IFTAP: variants seen among roughly 807,000 people sequenced by gnomAD.
The protein encoded by IFTAP is intraflagellar transport-associated protein.
A neutral mutation model predicts 19.4 loss-of-function variants in IFTAP; 19 were observed. That is an observed-to-expected ratio of 0.98 (90% confidence interval 0.68 to 1.44). The LOEUF (loss-of-function observed/expected upper bound fraction) is 1.44. Ranked by LOEUF, IFTAP falls within the 40% of genes most tolerant of loss-of-function variation. The pLI is 0.00. For synonymous variants in IFTAP, 85 were observed against 83.5 expected (o/e 1.02, Z -0.10); for missense variants, 240 against 253.6 (o/e 0.95, Z 0.36).
At position 36,610,161 on chromosome 11, in the gene IFTAP, G is replaced by C. The variant is rs61745970; in HGVS notation, c.58G>C (p.Val20Leu). 6.2e-7 allele frequency: 1 copy of C among 1,611,418 alleles called. No individual in the cohort carries two copies. Among genetic ancestry groups the C allele is most frequent in the African/African-American group, 1.3e-5 (1 of 74,820 alleles). Residue 20 changes from valine (V) to leucine (L), a missense_variant, in exon 2 of 6, where the codon GTC (valine) becomes CTC (leucine). Coordinates refer to ENST00000334307, the MANE Select transcript of IFTAP (RefSeq NM_138787.4). ...GGATGAAGATCAATTAATCAAAGAC[G>C]TCTTGGATAAATTCCTTAATTGTCA... ...IMDEDQLIKD[V>L]LDKFLNCHEQ...
At chr11:36,657,112 A>T (rs372520298) in intron 5 of IFTAP, among the ~76,000 whole-genome samples, 167 of 152,270 alleles carry the variant, frequency 1.1e-3, no homozygotes, top group African/African-American at 3.8e-3. Flanking sequence ...GGGCAGCAAA[A>T]TTCCCATCAG....
chr11:36,638,145 G>A (rs994476663), intron 4 of IFTAP, among the ~76,000 whole-genome samples: 1 of 150,830 alleles, frequency 6.6e-6, no homozygotes, highest in Admixed American at 6.6e-5. Context: ...GCCACACCCC[G>A]CCCCACCGCC....
At chr11:36,645,553 A>C (rs1853446650) in intron 4 of IFTAP, among the ~76,000 whole-genome samples, 1 of 152,110 alleles carries the variant, frequency 6.6e-6, no homozygotes, top group Non-Finnish European at 1.5e-5. Flanking sequence ...ATTTCCTACC[A>C]TGAGTGAATA....
intron 4 of IFTAP, 69 bp downstream of exon 4, chr11:36,636,186 G>A: frequency 8.0e-7 from 1 of 1,246,276 alleles, no homozygotes; most frequent in Non-Finnish European, 1.2e-6. Flanking sequence ...GCTTTAGACA[G>A]CTTTCCTGTT....
intron 2 of IFTAP, among the ~76,000 whole-genome samples, chr11:36,624,917 G>A (rs1852452063): frequency 6.6e-6 from 1 of 152,134 alleles, no homozygotes; most frequent in African/African-American, 2.4e-5. Flanking sequence ...TGTTTAAGCT[G>A]TTGTTACTTT....
chr11:36,626,319 C>A lies in IFTAP; in HGVS notation c.137-6965C>A, dbSNP rs560709446. 6.3e-4 allele frequency among the ~76,000 whole-genome samples: 96 copies of A among 151,394 alleles called. 6 individuals carry two copies. The highest frequency in any genetic ancestry group is 2.3e-3 in the African/African-American group (93 of 40,700). ...ACATTCTTAAACATGGAAATGTGAG[C>A]TGAAAGATATGTAAAGTGTTATGTC... On this transcript the variant is annotated intron_variant, in intron 2 of 5. Transcript: ENST00000334307.
intron 2 of IFTAP, among the ~76,000 whole-genome samples, chr11:36,618,329 C>G (rs1400606498): frequency 6.6e-6 from 1 of 151,972 alleles, no homozygotes; most frequent in Admixed American, 6.6e-5. Context: ...ACACCCTGAA[C>G]CACTTTGTTC....
rs374646919 is a variant in IFTAP at position 36,658,185 on chromosome 11, T to G, written c.499-834T>G. Among the ~76,000 whole-genome samples, 189 of 152,312 alleles carry G rather than the reference T, an allele frequency of 1.2e-3. 1 individual carries two copies. In the South Asian group the frequency reaches 0.026, roughly 21 times the overall value. ...TCTTGCATAAACCATAGTTTTCAAT[T>G]ATTTCAGCATCACTATGCATATTGT... On this transcript the variant is annotated intron_variant, in intron 5 of 5. Coordinates refer to ENST00000334307, the MANE Select transcript of IFTAP (RefSeq NM_138787.4).
intron 2 of IFTAP, among the ~76,000 whole-genome samples, chr11:36,626,413 T>C (rs1852513881): frequency 6.6e-6 from 1 of 151,388 alleles, no homozygotes; most frequent in African/African-American, 2.5e-5. Flanking sequence ...TGTCATATAA[T>C]TTTCTTAACT....
chr11:36,617,245 A>T (rs958263147), intron 2 of IFTAP, among the ~76,000 whole-genome samples: 2 of 149,030 alleles, frequency 1.3e-5, no homozygotes, highest in African/African-American at 2.5e-5. Context: ...ATATTTATTT[A>T]TTTGTATATT....
chr11:36,631,084 T>C (rs1852707726), intron 2 of IFTAP, among the ~76,000 whole-genome samples: 1 of 151,506 alleles, frequency 6.6e-6, no homozygotes, highest in Non-Finnish European at 1.5e-5. Flanking sequence ...TATCTCATCT[T>C]GTATAGGGCT....
At chr11:36,603,335 A>G (rs1851575609) in intron 1 of IFTAP, among the ~76,000 whole-genome samples, 2 of 152,200 alleles carry the variant, frequency 1.3e-5, no homozygotes, top group Non-Finnish European at 2.9e-5. Context: ...CTGTTGGGGG[A>G]AAACAACACA....
At chr11:36,606,324 A>T (rs1488332446) in intron 1 of IFTAP, among the ~76,000 whole-genome samples, 1 of 152,130 alleles carries the variant, frequency 6.6e-6, no homozygotes, top group Admixed American at 6.5e-5. Flanking sequence ...TTAGCCAGCC[A>T]TAGTGGCAGG....
At chr11:36,615,016 A>T (rs1329467758) in intron 2 of IFTAP, among the ~76,000 whole-genome samples, 2 of 139,392 alleles carry the variant, frequency 1.4e-5, no homozygotes, top group African/African-American at 5.7e-5. Context: ...CTGAATGGTA[A>T]TGCCTAGGTT....
At chr11:36,595,553 T>C (rs1210535779) in intron 1 of IFTAP, among the ~76,000 whole-genome samples, 1 of 152,250 alleles carries the variant, frequency 6.6e-6, no homozygotes, top group African/African-American at 2.4e-5. Context: ...GTGTGGACTC[T>C]GAATGCTTAC....
intron 2 of IFTAP, among the ~76,000 whole-genome samples, chr11:36,614,607 C>T (rs1301607478): frequency 1.1e-4 from 17 of 148,456 alleles, no homozygotes. Flanking sequence ...TAATGATTGC[C>T]ATTCTAACTG....
chr11:36,613,893 CT>C (rs869296942), intron 2 of IFTAP, among the ~76,000 whole-genome samples: 30 of 143,266 alleles, frequency 2.1e-4, no homozygotes, highest in Non-Finnish European at 3.3e-4. Flanking sequence ...AGAGTTACTT[CT>C]TTTTTTGTTG....
chr11:36,656,813 G>A (rs1352899387), intron 5 of IFTAP, among the ~76,000 whole-genome samples: 1 of 152,020 alleles, frequency 6.6e-6, no homozygotes, highest in African/African-American at 2.4e-5. Context: ...AGGGAGGTGG[G>A]GATTGAGGTT....
At chr11:36,605,889 C>T (rs1851676047) in intron 1 of IFTAP, among the ~76,000 whole-genome samples, 1 of 152,150 alleles carries the variant, frequency 6.6e-6, no homozygotes, top group African/African-American at 2.4e-5. Context: ...CTCTCTCTCT[C>T]CCCCTCTTTT....
Sources: allele counts gnomAD v4.1 joint callset (sites outside exome capture counted in the v4.1 genomes callset), GRCh38; gene constraint gnomAD v4.1.1; transcripts MANE v1.5; gene names NCBI Gene and HGNC (gene_info 2026-07-23, HGNC 2026-07-21).